CNGB1: variants seen among roughly 807,000 people sequenced by gnomAD.
The protein encoded by CNGB1 is cyclic nucleotide gated channel subunit beta 1.
CNGB1 carries 126 observed loss-of-function variants against 151.7 expected under a neutral mutation model. The ratio of observed to expected loss-of-function variants is 0.83; its 90% confidence interval spans 0.72 to 0.96. The LOEUF is 0.96. CNGB1 is among the 40% of genes least tolerant of loss of function. The probability of loss-of-function intolerance (pLI) is 0.00; values close to 1 mark genes in which losing one functional copy is unlikely to be tolerated. For missense variants in CNGB1, 1,698 were observed against 1,627.0 expected, an observed-to-expected ratio of 1.04 and a Z score of -0.75; for synonymous variants, 623 against 635.1, an observed-to-expected ratio of 0.98 and a Z score of 0.29.
At chr16:57,919,057 TC>T in intron 20 of CNGB1, 41 bp downstream of exon 20, 1 of 1,613,972 alleles carries the variant, frequency 6.2e-7, no homozygotes, top group Non-Finnish European at 8.5e-7. Context: ...TCTCCTGCTC[TC>T]TCATCTTACA....
At chr16:57,894,961 G>T (rs917610022) in intron 31 of CNGB1, among the ~76,000 whole-genome samples, 1 of 152,156 alleles carries the variant, frequency 6.6e-6, no homozygotes, top group Non-Finnish European at 1.5e-5. Context: ...AACTTTGAAC[G>T]TAACACTTCC....
At chr16:57,896,616 G>A (rs1486264680) in intron 31 of CNGB1, among the ~76,000 whole-genome samples, 1 of 152,048 alleles carries the variant, frequency 6.6e-6, no homozygotes, top group Non-Finnish European at 1.5e-5. Flanking sequence ...AGGAGGCTGA[G>A]GCAGGAGAAT....
intron 31 of CNGB1, among the ~76,000 whole-genome samples, chr16:57,889,676 G>A (rs1960032925): frequency 6.6e-6 from 1 of 152,176 alleles, no homozygotes; most frequent in South Asian, 2.1e-4. Context: ...ATCCCCATAA[G>A]TAGGTCTTAT....
At chr16:57,916,010 C>T in intron 22 of CNGB1, 119 bp downstream of exon 22, 1 of 960,648 alleles carries the variant, frequency 1.0e-6, no homozygotes, top group Non-Finnish European at 1.7e-6. Context: ...CCCACAGGGA[C>T]CAGCATCCCT....
intron 19 of CNGB1, among the ~76,000 whole-genome samples, chr16:57,919,712 C>T (rs1202485546): frequency 1.3e-5 from 2 of 152,168 alleles, no homozygotes; most frequent in Admixed American, 6.5e-5. Context: ...AATCTCAACT[C>T]TTTCATCTCT....
At chr16:57,911,713 G>A (rs1385912906) in intron 25 of CNGB1, 40 bp downstream of exon 25, 2 of 1,612,494 alleles carry the variant, frequency 1.2e-6, no homozygotes, top group Admixed American at 1.7e-5. Flanking sequence ...GAACAGGAAG[G>A]TCACCCAGGC....
chr16:57,951,703 C>G (rs190505916), intron 12 of CNGB1, among the ~76,000 whole-genome samples: 7 of 152,338 alleles, frequency 4.6e-5, no homozygotes, highest in African/African-American at 1.7e-4. Context: ...GTCCTCACAT[C>G]AACATTTTGG....
At chr16:57,884,643 G>A (rs903963918) in intron 32 of CNGB1, among the ~76,000 whole-genome samples, 186 bp from the exon 33 acceptor site, 4 of 152,198 alleles carry the variant, frequency 2.6e-5, no homozygotes, top group African/African-American at 9.6e-5. Context: ...AATACATTAT[G>A]GGGAAGTGTA....
chr16:57,888,056 G>T lies in CNGB1; in HGVS notation c.3261C>A (p.Asn1087Lys). The T allele has an allele frequency of 1.9e-6, 3 of 1,614,028 alleles. No homozygotes were observed. Among genetic ancestry groups the T allele is most frequent in the Non-Finnish European group, 2.5e-6 (3 of 1,180,022 alleles). ...RKKARRMLRS[N>K]NKPKEEKSVL... is the part of the protein sequence containing the mutation. ...CGCTCTTCTCCTCCTTGGGCTTATT[G>T]TTGCTTCTCAGCATGCGCCTGGAAG... The change falls in exon 32 of 33, where the codon AAC (asparagine) becomes AAA (lysine). Residue 1087 changes from asparagine to lysine, a missense_variant. Transcript: ENST00000251102.
chr16:57,963,403 A>T (rs1962311190), intron 4 of CNGB1, among the ~76,000 whole-genome samples: 1 of 152,138 alleles, frequency 6.6e-6, no homozygotes, highest in South Asian at 2.1e-4. Flanking sequence ...CCTCCATGGG[A>T]TGCTTAGGAC....
At position 57,940,315 on chromosome 16, in the gene CNGB1, C is replaced by A. The variant is rs1312633521; in HGVS notation, c.1128G>T (p.Leu376=). Residue 376 remains leucine, a synonymous_variant, in exon 15 of 33, where the codon CTG becomes CTT. Transcript: ENST00000251102. ...EEEEEEVTEV[L]LDSCVVSQVG... ...CCTGCGACACCACACAGCTATCCAG[C>A]AGCACCCTGTGACCCGGGGCGGGGT... The A allele has an allele frequency of 6.3e-6, 10 of 1,580,928 alleles. No homozygotes were observed. Among genetic ancestry groups the A allele is most frequent in the Non-Finnish European group, 8.6e-6 (10 of 1,163,568 alleles).
chr16:57,910,125 T>C (rs1960669372), intron 25 of CNGB1, among the ~76,000 whole-genome samples: 1 of 152,178 alleles, frequency 6.6e-6, no homozygotes, highest in Non-Finnish European at 1.5e-5. Flanking sequence ...CCGAGTTACC[T>C]GAAAACCTAA....
At chr16:57,955,500 C>T (rs2149384136) in intron 12 of CNGB1, 1 of 764,786 alleles carries the variant, frequency 1.3e-6, no homozygotes, top group Non-Finnish European at 2.2e-6. Context: ...CTCAGAGTCT[C>T]CCCATGACAT....
intron 14 of CNGB1, among the ~76,000 whole-genome samples, 158 bp from the exon 15 acceptor site, chr16:57,940,479 A>G (rs1208400580): frequency 6.6e-6 from 1 of 152,176 alleles, no homozygotes; most frequent in African/African-American, 2.4e-5. Flanking sequence ...GCAGTGTCCT[A>G]CTAACAATCA....
chr16:57,888,747 T>C (rs1276809886), intron 31 of CNGB1, among the ~76,000 whole-genome samples: 1 of 145,452 alleles, frequency 6.9e-6, no homozygotes, highest in Non-Finnish European at 1.5e-5. Flanking sequence ...GCACCGCGCC[T>C]GGCCTCTTTC....
Position 57,952,207 on chromosome 16 carries a change from T to G in CNGB1, c.875-1667A>C, listed in dbSNP as rs1312283002. ...AGCCCCAAAGGGCAGGAACAGTACT[T>G]TCCCCCTTTTAAAGAGAGCCAGCTC... On this transcript the variant is annotated intron_variant, in intron 12 of 32. Coordinates refer to ENST00000251102, the MANE Select transcript of CNGB1 (RefSeq NM_001297.5). 2.6e-5 allele frequency among the ~76,000 whole-genome samples: 4 copies of G among 152,192 alleles called. No homozygotes were observed. In the South Asian group the frequency reaches 8.3e-4, roughly 31 times the overall value.
intron 18 of CNGB1, 77 bp from the exon 19 acceptor site, chr16:57,920,621 G>A (rs17241022): frequency 0.1 from 157,913 of 1,567,474 alleles, 8,709 homozygotes; most frequent in Non-Finnish European, 0.12. Flanking sequence ...GCTGTGCAGC[G>A]TCTGTGTCCC....
At chr16:57,912,247 CA>C (rs1213324318) in intron 24 of CNGB1, among the ~76,000 whole-genome samples, 2 of 152,196 alleles carry the variant, frequency 1.3e-5, no homozygotes, top group Non-Finnish European at 2.9e-5. Context: ...TCTTGCACCT[CA>C]TGCTCAGACA....
At chr16:57,889,487 T>C (rs79154474) in intron 31 of CNGB1, among the ~76,000 whole-genome samples, 3,452 of 152,282 alleles carry the variant, frequency 0.023, 128 homozygotes, top group African/African-American at 0.078. Context: ...CCATCCAGAC[T>C]TGAGATGAGA....
Sources: allele counts gnomAD v4.1 joint callset (sites outside exome capture counted in the v4.1 genomes callset), GRCh38; gene constraint gnomAD v4.1.1; transcripts MANE v1.5; gene names NCBI Gene and HGNC (gene_info 2026-07-23, HGNC 2026-07-21).